The following ZSWIM5 variants were observed in gnomAD, a reference collection of about 807,000 sequenced individuals.
The protein encoded by ZSWIM5 is zinc finger SWIM-type containing 5, also known as zinc finger SWIM domain-containing protein 5.
In ZSWIM5, 55 loss-of-function variants were observed where a neutral mutation model predicts 119.6. That is an observed-to-expected ratio of 0.46 (90% confidence interval 0.37 to 0.58). The LOEUF (loss-of-function observed/expected upper bound fraction) is 0.58. ZSWIM5 is among the 20% of genes least tolerant of loss of function. The pLI, the probability that ZSWIM5 is intolerant of heterozygous loss-of-function variation, is 0.00. For synonymous variants in ZSWIM5, 537 were observed against 606.9 expected, an observed-to-expected ratio of 0.88 and a Z score of 1.69; for missense variants, 1,193 against 1,512.8, an observed-to-expected ratio of 0.79 and a Z score of 3.51.
At chr1:45,036,853 T>C (rs1444393885) in intron 8 of ZSWIM5, among the ~76,000 whole-genome samples, 1 of 152,160 alleles carries the variant, frequency 6.6e-6, no homozygotes, top group Non-Finnish European at 1.5e-5. Context: ...GGGAGTGTAG[T>C]GGTGCAATCA....
chr1:45,038,633 G>T (rs1645000243), intron 8 of ZSWIM5, among the ~76,000 whole-genome samples: 1 of 7,856 alleles, frequency 1.3e-4, no homozygotes, highest in Non-Finnish European at 3.5e-4. Flanking sequence ...ATGAAACAGG[G>T]TCTCACTTTG....
At chr1:45,107,789 C>T (rs781084780) in intron 1 of ZSWIM5, among the ~76,000 whole-genome samples, 1 of 151,284 alleles carries the variant, frequency 6.6e-6, no homozygotes, top group Non-Finnish European at 1.5e-5. Context: ...TTCTTTCTTT[C>T]TTTTCTTTTC....
At chr1:45,042,950 A>G (rs1419719093) in intron 6 of ZSWIM5, among the ~76,000 whole-genome samples, 1 of 152,214 alleles carries the variant, frequency 6.6e-6, no homozygotes, top group African/African-American at 2.4e-5. Flanking sequence ...TTGCTTTGTT[A>G]ATGCTCTTTG....
In ZSWIM5 at chr1:45,206,309, T is replaced by G. The variant is rs1432750312; in HGVS notation, c.42A>C (p.Ser14=). ...ACTGCCGCTTAGCCGGAGAGACCGG[T>G]GACGGCGAGAGCAGCTCCTCTCGCT... The part of the protein sequence containing the change: ...GGEREELLSP[S]PVSPAKRQCS... Residue 14 remains serine, a synonymous_variant, in exon 1 of 14, where the codon TCA becomes TCC. Transcript: ENST00000359600. 2.6e-6 allele frequency: 4 copies of G among 1,543,422 alleles called. No homozygotes were observed. The highest frequency in any genetic ancestry group is 2.6e-6 in the Non-Finnish European group (3 of 1,145,162).
At chr1:45,040,285 G>T in intron 7 of ZSWIM5, 107 bp downstream of exon 7, 1 of 1,217,150 alleles carries the variant, frequency 8.2e-7, no homozygotes, top group Non-Finnish European at 1.1e-6. Flanking sequence ...ATTCCACACA[G>T]CAAGGAGAAT....
intron 1 of ZSWIM5, among the ~76,000 whole-genome samples, chr1:45,148,405 T>G (rs2149036928): frequency 6.6e-6 from 1 of 151,490 alleles, no homozygotes; most frequent in Admixed American, 6.6e-5. Context: ...AAGGGTAGGG[T>G]GGGAGGACTT....
Position 45,206,064 on chromosome 1 carries a change from C to T in ZSWIM5, c.287G>A (p.Arg96His), listed in dbSNP as rs201322031. The change falls in exon 1 of 14, where the codon CGC becomes CAC. Residue 96 changes from arginine to histidine, a missense_variant. This residue lies in a region of ZSWIM5 where 232 missense variants were observed against 222.9 expected (regional missense o/e 1.04). Coordinates refer to ENST00000359600, the MANE Select transcript of ZSWIM5 (RefSeq NM_020883.2). ...FERIPEPVQR[R>H]IVYWSFPRNE... ...CCGCGGGAAGGACCAGTAGACGATGCGGCGCTGCACGGGCTCCGGGATCCG... is the reference window on the plus strand; with the variant it reads ...CCGCGGGAAGGACCAGTAGACGATGTGGCGCTGCACGGGCTCCGGGATCCG... 1.1e-5 allele frequency: 17 copies of T among 1,611,000 alleles called. No individual in the cohort carries two copies. Among genetic ancestry groups the T allele is most frequent in the East Asian group, 2.2e-5 (1 of 44,660 alleles).
At chr1:45,195,231 A>G (rs1246312979) in intron 1 of ZSWIM5, among the ~76,000 whole-genome samples, 1 of 152,094 alleles carries the variant, frequency 6.6e-6, no homozygotes. Context: ...AAAAAATTTA[A>G]AGTTTTTGTT....
chr1:45,116,396 T>C (rs562229051), intron 1 of ZSWIM5, among the ~76,000 whole-genome samples: 1 of 152,328 alleles, frequency 6.6e-6, no homozygotes, highest in East Asian at 1.9e-4. Context: ...TTTCTCCTCC[T>C]TCTAGCAAAT....
chr1:45,033,528 T>C (rs1245604266), intron 11 of ZSWIM5, among the ~76,000 whole-genome samples: 2 of 152,150 alleles, frequency 1.3e-5, no homozygotes, highest in African/African-American at 4.8e-5. Context: ...GAAACCTGCA[T>C]AGCTAACAGG....
chr1:45,063,883 G>A (rs886178680), intron 2 of ZSWIM5, among the ~76,000 whole-genome samples: 4 of 151,968 alleles, frequency 2.6e-5, no homozygotes, highest in African/African-American at 9.7e-5. Flanking sequence ...TTGGGAGGCT[G>A]AGGCAGGAGA....
In ZSWIM5 at chr1:45,036,318, C is replaced by G. The variant is rs369209021; in HGVS notation, c.1895-19G>C. On this transcript the variant is annotated intron_variant, in intron 8 of 13. Transcript: ENST00000359600. Reference sequence around the variant, plus strand: ...TTCATATCTGAGGGCAACAGGGCACCAAATTCTTTAGGTTAGGCTTGGTAG... The same window carrying G: ...TTCATATCTGAGGGCAACAGGGCACGAAATTCTTTAGGTTAGGCTTGGTAG... The G allele has an allele frequency of 5.6e-6, 9 of 1,602,196 alleles. No homozygotes were observed. In the African/African-American group the frequency reaches 1.1e-4, roughly 19 times the overall value.
rs1237459161 is a variant in ZSWIM5 at position 45,206,229 on chromosome 1, C to T, written c.122G>A (p.Gly41Asp). The change falls in exon 1 of 14, where the codon GGC (glycine) becomes GAC (aspartate). Residue 41 changes from glycine (G) to aspartate (D), a missense_variant. Gly to Asp is a moderately conservative substitution (Grantham distance 94, BLOSUM62 -1). Coordinates refer to ENST00000359600, the MANE Select transcript of ZSWIM5 (RefSeq NM_020883.2). The part of the protein sequence containing the change: ...HHPRGSPGAA[G>D]GGAGGVGSSC... ...GCTGCCGACGCCCCCTGCCCCTCCG[C>T]CGGCTGCCCCAGGCGAACCGCGAGG... The T allele has an allele frequency of 2.5e-6, 4 of 1,584,706 alleles. No homozygotes were observed. The East Asian group carries it at 6.9e-5, about 27-fold the overall frequency.
chr1:45,115,930 G>A (rs1452834461), intron 1 of ZSWIM5, among the ~76,000 whole-genome samples: 2 of 152,198 alleles, frequency 1.3e-5, no homozygotes, highest in South Asian at 2.1e-4. Flanking sequence ...GTAGCGAGCC[G>A]AGATCACGCC....
chr1:45,189,036 G>A (rs545303049), intron 1 of ZSWIM5, among the ~76,000 whole-genome samples: 5 of 152,158 alleles, frequency 3.3e-5, no homozygotes, highest in South Asian at 4.2e-4. Context: ...GCAAGGGACC[G>A]GGCACGGTGG....
At chr1:45,159,004 C>T (rs1645847449) in intron 1 of ZSWIM5, among the ~76,000 whole-genome samples, 1 of 152,002 alleles carries the variant, frequency 6.6e-6, no homozygotes, top group Non-Finnish European at 1.5e-5. Flanking sequence ...CTCCTATAGC[C>T]TAGTGGAAAA....
intron 1 of ZSWIM5, among the ~76,000 whole-genome samples, chr1:45,181,424 T>C (rs1231510785): frequency 6.6e-6 from 1 of 151,912 alleles, no homozygotes; most frequent in African/African-American, 2.4e-5. Flanking sequence ...CCAAGAAATA[T>C]GGGACTATGT....
At chr1:45,060,586 CTTCT>C (rs1294775607) in intron 2 of ZSWIM5, among the ~76,000 whole-genome samples, 3 of 152,060 alleles carry the variant, frequency 2.0e-5, no homozygotes, top group African/African-American at 7.2e-5. Flanking sequence ...CATTTTGTTT[CTTCT>C]TTTTGCTTTT....
intron 2 of ZSWIM5, among the ~76,000 whole-genome samples, chr1:45,060,494 C>A (rs1030788627): frequency 6.6e-6 from 1 of 152,108 alleles, no homozygotes; most frequent in African/African-American, 2.4e-5. Context: ...CATCTAAGAT[C>A]TACAGATACC....
Sources: allele counts gnomAD v4.1 joint callset (sites outside exome capture counted in the v4.1 genomes callset), GRCh38; gene constraint gnomAD v4.1.1; regional missense constraint gnomAD v4.1.1; transcripts MANE v1.5; gene names NCBI Gene and HGNC (gene_info 2026-07-23, HGNC 2026-07-21).